Variants in FOCAD observed in about 807,000 individuals in gnomAD.
The protein encoded by FOCAD is focadhesin.
In FOCAD, 198 loss-of-function variants were observed where a neutral mutation model predicts 225.6. That is an observed-to-expected ratio of 0.88 (90% CI 0.78 to 0.99). FOCAD has a LOEUF of 0.99. FOCAD is among the 50% of genes least tolerant of loss of function. FOCAD has a pLI of 0.00. For synonymous variants in FOCAD, 897 were observed against 755.0 expected (o/e 1.19, Z -3.08); for missense variants, 2,713 against 2,123.6 (o/e 1.28, Z -5.46).
chr9:20,873,398 T>A (rs1213714011), intron 18 of FOCAD, among the ~76,000 whole-genome samples: 1 of 152,166 alleles, frequency 6.6e-6, no homozygotes, highest in African/African-American at 2.4e-5. Flanking sequence ...ACTAGACACT[T>A]GAAAAACCCT....
At chr9:20,971,501 G>A (rs975076565) in intron 35 of FOCAD, among the ~76,000 whole-genome samples, 2 of 151,794 alleles carry the variant, frequency 1.3e-5, no homozygotes, top group Non-Finnish European at 2.9e-5. Context: ...GTACAATGGT[G>A]CAATCTTGGC....
chr9:20,793,803 G>C (rs981628658), intron 11 of FOCAD, among the ~76,000 whole-genome samples: 4 of 152,190 alleles, frequency 2.6e-5, no homozygotes, highest in Non-Finnish European at 5.9e-5. Flanking sequence ...AGCAGGCTTT[G>C]TGGTAACTTT....
At chr9:20,985,637 T>C (rs1418240052) in intron 39 of FOCAD, among the ~76,000 whole-genome samples, 2 of 152,200 alleles carry the variant, frequency 1.3e-5, no homozygotes, top group Non-Finnish European at 2.9e-5. Flanking sequence ...CTTCCTTGGC[T>C]TGAGACCACC....
chr9:20,801,057 C>T (rs1459550046), intron 11 of FOCAD, among the ~76,000 whole-genome samples: 1 of 152,072 alleles, frequency 6.6e-6, no homozygotes, highest in African/African-American at 2.4e-5. Flanking sequence ...TGTTAGTTTT[C>T]CTTCTAACAG....
chr9:20,769,158 A>G (rs984809647), intron 7 of FOCAD, among the ~76,000 whole-genome samples: 1 of 151,862 alleles, frequency 6.6e-6, no homozygotes, highest in South Asian at 2.1e-4. Context: ...GTTTTCTGCT[A>G]TTTCTTCTCT....
chr9:20,884,288 T>C (rs1031730327), intron 20 of FOCAD, among the ~76,000 whole-genome samples: 4 of 152,188 alleles, frequency 2.6e-5, no homozygotes, highest in Non-Finnish European at 5.9e-5. Context: ...CAATAAGTAA[T>C]ATACTATATT....
At chr9:20,860,794 A>G (rs1828706914) in intron 15 of FOCAD, among the ~76,000 whole-genome samples, 1 of 152,222 alleles carries the variant, frequency 6.6e-6, no homozygotes, top group Non-Finnish European at 1.5e-5. Flanking sequence ...TACAGGCGTG[A>G]GCCACCACGC....
At chr9:20,866,127 G>T in intron 17 of FOCAD, 151 bp downstream of exon 17, 3 of 676,552 alleles carry the variant, frequency 4.4e-6, no homozygotes, top group Admixed American at 3.5e-5. Context: ...CATAAGTTTT[G>T]GTTTTAAAAA....
intron 21 of FOCAD, among the ~76,000 whole-genome samples, chr9:20,886,413 G>C (rs1279127769): frequency 1.3e-5 from 2 of 152,130 alleles, no homozygotes; most frequent in Non-Finnish European, 2.9e-5. Flanking sequence ...TGTGCACTTA[G>C]ATATTTGAAG....
chr9:20,993,435 A>G, intron 43 of FOCAD, 107 bp downstream of exon 43: 1 of 913,810 alleles, frequency 1.1e-6, no homozygotes, highest in Non-Finnish European at 1.7e-6. Context: ...CTTACCCGAA[A>G]TGCTTGGGAC....
chr9:20,823,217 G>C, intron 15 of FOCAD, 102 bp downstream of exon 15: 1 of 1,281,068 alleles, frequency 7.8e-7, no homozygotes, highest in Non-Finnish European at 1.0e-6. Flanking sequence ...TGAAGTCTGA[G>C]TGTTCATTCC....
chr9:20,851,550 G>C (rs1051975416), intron 15 of FOCAD, among the ~76,000 whole-genome samples: 2 of 151,782 alleles, frequency 1.3e-5, no homozygotes, highest in African/African-American at 4.8e-5. Flanking sequence ...AAATTTTAAA[G>C]TAAATTCACT....
intron 15 of FOCAD, among the ~76,000 whole-genome samples, chr9:20,856,507 A>G (rs553609767): frequency 6.6e-6 from 1 of 151,916 alleles, no homozygotes; most frequent in African/African-American, 2.4e-5. Context: ...TCAAATTTAT[A>G]GTTTGCAAAT....
chr9:20,739,757 G>GA (rs1281743830), intron 4 of FOCAD, among the ~76,000 whole-genome samples: 1 of 151,902 alleles, frequency 6.6e-6, no homozygotes, highest in African/African-American at 2.4e-5. Flanking sequence ...CAAAAATAAG[G>GA]AAAAAATTTA....
intron 37 of FOCAD, 35 bp from the exon 38 acceptor site, chr9:20,981,391 C>G: frequency 1.2e-6 from 2 of 1,605,936 alleles, no homozygotes; most frequent in Non-Finnish European, 1.7e-6. Context: ...CCAGACTTGC[C>G]TATTTACATT....
chr9:20,978,476 TG>T, intron 37 of FOCAD, 22 bp downstream of exon 37: 1 of 1,487,238 alleles, frequency 6.7e-7, no homozygotes, highest in Non-Finnish European at 9.2e-7. Context: ...CTAAGGGTGT[TG>T]GCCAACAGGA....
chr9:20,890,210 A>G (rs962971098), intron 21 of FOCAD, among the ~76,000 whole-genome samples: 1 of 151,956 alleles, frequency 6.6e-6, no homozygotes, highest in Non-Finnish European at 1.5e-5. Context: ...GGCCATCATT[A>G]CAGTGTTGAA....
At chr9:20,667,926 A>AT (rs199838305) in intron 2 of FOCAD, among the ~76,000 whole-genome samples, 12 of 150,620 alleles carry the variant, frequency 8.0e-5, no homozygotes, top group East Asian at 1.9e-4. Flanking sequence ...TTGAATCATA[A>AT]TTTTTTTTTT....
At chr9:20,917,050 TTTCAA>T in intron 24 of FOCAD, 113 bp downstream of exon 24, 1 of 772,876 alleles carries the variant, frequency 1.3e-6, no homozygotes, top group Non-Finnish European at 2.0e-6. Flanking sequence ...TTAGAGTACT[TTTCAA>T]TTATTTTTTT....
Sources: gnomAD v4.1 joint callset for allele counts (sites outside exome capture counted in the v4.1 genomes callset) on GRCh38, gnomAD v4.1.1 for gene constraint, MANE v1.5 for transcripts, NCBI Gene and HGNC (gene_info 2026-07-23, HGNC 2026-07-21) for gene names.